The following DISC1 variants were observed in gnomAD, a reference collection of about 807,000 sequenced individuals.
DISC1 encodes the protein disrupted in schizophrenia 1 protein.
In DISC1, 57 loss-of-function variants were observed where a neutral mutation model predicts 84.5. The observed-to-expected ratio is 0.67, with a 90% CI of 0.55 to 0.84. The LOEUF is 0.84. DISC1 is among the 40% of genes least tolerant of loss of function. DISC1 has a pLI of 0.00. For synonymous variants in DISC1, 411 were observed against 415.2 expected, an observed-to-expected ratio of 0.99 and a Z score of 0.12; for missense variants, 1,000 against 1,057.8, an observed-to-expected ratio of 0.95 and a Z score of 0.76.
At chr1:231,637,505 C>T (rs2059298025) in intron 1 of DISC1, among the ~76,000 whole-genome samples, 1 of 152,222 alleles carries the variant, frequency 6.6e-6, no homozygotes, top group African/African-American at 2.4e-5. Context: ...CCTATCCTCA[C>T]CCTTCTGAGT....
intron 9 of DISC1, among the ~76,000 whole-genome samples, chr1:231,898,721 C>T (rs2087900297): frequency 6.6e-6 from 1 of 152,092 alleles, no homozygotes; most frequent in Non-Finnish European, 1.5e-5. Context: ...CACTTGAGGC[C>T]AGGAGCTAGA....
In DISC1 at chr1:232,008,995, A is replaced by G. The variant is rs149500705; in HGVS notation, c.2253A>G (p.Glu751=). The part of the protein sequence containing the change: ...KRKTPLKVLE[E]WKTHLIPSLH... ...AGACCCCTTTGAAGGTATTGGAAGA[A>G]TGGAAGACTCACCTCATCCCCTCTC... The change falls in exon 11 of 13, where the codon GAA becomes GAG. Residue 751 remains glutamate, a synonymous_variant. Transcript: ENST00000439617. 4 of 1,613,926 alleles carry G rather than the reference A, an allele frequency of 2.5e-6. No individual in the cohort carries two copies. The East Asian group carries it at 8.9e-5, about 36-fold the overall frequency.
At chr1:231,659,162 A>C (rs1333208459) in intron 1 of DISC1, among the ~76,000 whole-genome samples, 1 of 151,864 alleles carries the variant, frequency 6.6e-6, no homozygotes, top group Non-Finnish European at 1.5e-5. Context: ...TTCAGAACTC[A>C]TTATTGGTCT....
At chr1:231,767,012 G>T in intron 4 of DISC1, 128 bp from the exon 5 acceptor site, 1 of 1,248,904 alleles carries the variant, frequency 8.0e-7, no homozygotes, top group Non-Finnish European at 1.1e-6. Flanking sequence ...CTAAAAACAG[G>T]TAAGTACCCT....
intron 9 of DISC1, among the ~76,000 whole-genome samples, chr1:231,894,127 A>C (rs1416059911): frequency 1.3e-5 from 2 of 152,210 alleles, no homozygotes; most frequent in African/African-American, 4.8e-5. Context: ...AGAAACAACG[A>C]TCTTCTAATA....
At chr1:231,843,995 A>G (rs1387234688) in intron 9 of DISC1, among the ~76,000 whole-genome samples, 1 of 152,184 alleles carries the variant, frequency 6.6e-6, no homozygotes, top group African/African-American at 2.4e-5. Context: ...AGATGGTGCA[A>G]AGGAGTATCC....
intron 6 of DISC1, among the ~76,000 whole-genome samples, chr1:231,786,061 A>G (rs17817433): frequency 0.1 from 15,371 of 152,050 alleles, 952 homozygotes; most frequent in Non-Finnish European, 0.14. Flanking sequence ...TTCTGTCTCT[A>G]TTACTCTATT....
At chr1:231,767,383 G>T in intron 5 of DISC1, 114 bp downstream of exon 5, 1 of 1,433,866 alleles carries the variant, frequency 7.0e-7, no homozygotes, top group Admixed American at 2.0e-5. Flanking sequence ...GCTCATTGCA[G>T]CCTTGAGCTC....
chr1:231,852,676 T>C (rs1213841697), intron 9 of DISC1, among the ~76,000 whole-genome samples: 4 of 152,208 alleles, frequency 2.6e-5, no homozygotes, highest in Non-Finnish European at 5.9e-5. Flanking sequence ...CAATTGAGGT[T>C]CCCTCTCTGC....
intron 3 of DISC1, among the ~76,000 whole-genome samples, chr1:231,748,298 C>G (rs1175766169): frequency 6.6e-6 from 1 of 152,166 alleles, no homozygotes; most frequent in Admixed American, 6.5e-5. Context: ...GACAGTTGGG[C>G]ATCCTTGTGC....
At chr1:232,010,146 G>A (rs1667900022) in intron 11 of DISC1, among the ~76,000 whole-genome samples, 1 of 152,186 alleles carries the variant, frequency 6.6e-6, no homozygotes, top group Admixed American at 6.5e-5. Context: ...CTGCATCCTT[G>A]CTGGCCCAGT....
At chr1:231,907,133 C>CTT (rs1356685548) in intron 9 of DISC1, among the ~76,000 whole-genome samples, 2 of 70,756 alleles carry the variant, frequency 2.8e-5, no homozygotes, top group Non-Finnish European at 5.6e-5. Context: ...CTTCCTTCCT[C>CTT]TTTCTTTCTT....
chr1:231,808,625 T>C (rs1040094960), intron 8 of DISC1, among the ~76,000 whole-genome samples: 2 of 152,238 alleles, frequency 1.3e-5, no homozygotes, highest in Non-Finnish European at 2.9e-5. Context: ...GTGCCTTTCA[T>C]AGGATGCTGC....
chr1:231,941,741 G>A (rs1379295356), intron 9 of DISC1, among the ~76,000 whole-genome samples: 1 of 152,158 alleles, frequency 6.6e-6, no homozygotes, highest in East Asian at 1.9e-4. Flanking sequence ...AAAGTGCTGG[G>A]ATTACAGGCG....
chr1:231,705,855 A>G (rs927602952), intron 3 of DISC1, among the ~76,000 whole-genome samples: 10 of 152,136 alleles, frequency 6.6e-5, no homozygotes, highest in African/African-American at 2.4e-4. Flanking sequence ...TCTCAGGGGA[A>G]GGGGTCTGCC....
chr1:231,898,492 G>T (rs938974621), intron 9 of DISC1, among the ~76,000 whole-genome samples: 2 of 152,186 alleles, frequency 1.3e-5, no homozygotes, highest in African/African-American at 4.8e-5. Flanking sequence ...TGAATGGGAT[G>T]ACAAGAGGAG....
chr1:231,694,657 G>C lies in DISC1; in HGVS notation c.899G>C (p.Gly300Ala). The change falls in exon 2 of 13, where the codon GGC becomes GCC. Residue 300 changes from glycine (G) to alanine (A), a missense_variant. This residue lies in a region of DISC1 where 311 missense variants were observed against 400.1 expected (regional missense o/e 0.78). Coordinates refer to ENST00000439617, the MANE Select transcript of DISC1 (RefSeq NM_018662.3). ...DMHSLPDMDP[G>A]SSSSLDPSLA... is the part of the protein sequence containing the mutation. ...CATTCTTTACCAGACATGGACCCTG[G>C]CTCCTCCAGTTCTCTGGATCCCTCA... is the stretch of plus-strand genomic sequence containing the variant. 6.2e-7 allele frequency: 1 copy of C among 1,614,272 alleles called. No homozygotes were observed. Among genetic ancestry groups the C allele is most frequent in the Non-Finnish European group, 8.5e-7 (1 of 1,180,054 alleles).
chr1:231,864,487 C>A (rs2084911198), intron 9 of DISC1, among the ~76,000 whole-genome samples: 1 of 152,094 alleles, frequency 6.6e-6, no homozygotes, highest in Admixed American at 6.5e-5. Context: ...CACAGTGAAA[C>A]CCCGTCTCTA....
At chr1:231,771,093 T>G (rs1279634806) in intron 6 of DISC1, 23 bp downstream of exon 6, 1 of 1,553,824 alleles carries the variant, frequency 6.4e-7, no homozygotes, top group East Asian at 2.4e-5. Context: ...TCCTAACTGA[T>G]TTTGGGTCGC....
Sources: gnomAD v4.1 joint callset for allele counts (sites outside exome capture counted in the v4.1 genomes callset) on GRCh38, gnomAD v4.1.1 for gene constraint, gnomAD v4.1.1 regional missense constraint, MANE v1.5 for transcripts, NCBI Gene and HGNC (gene_info 2026-07-23, HGNC 2026-07-21) for gene names.